Variants in PRKCH observed in about 807,000 individuals in gnomAD.
The protein encoded by PRKCH is protein kinase C eta type.
Under a neutral mutation model 82.5 loss-of-function variants are expected in PRKCH, and 28 were observed. The ratio of observed to expected loss-of-function variants is 0.34; its 90% confidence interval spans 0.25 to 0.47. The LOEUF is 0.47. Among genes scored for constraint, PRKCH ranks in the 20% least tolerant of loss-of-function variants. The pLI, the probability that PRKCH is intolerant of heterozygous loss-of-function variation, is 1.00. For synonymous variants in PRKCH, 322 were observed against 327.4 expected, an observed-to-expected ratio of 0.98 and a Z score of 0.18; for missense variants, 705 against 881.8, an observed-to-expected ratio of 0.80 and a Z score of 2.54.
At chr14:61,519,598 C>A (rs2042876894) in intron 10 of PRKCH, among the ~76,000 whole-genome samples, 1 of 152,160 alleles carries the variant, frequency 6.6e-6, no homozygotes, top group Non-Finnish European at 1.5e-5. Flanking sequence ...ATTTTACATT[C>A]AGCCTCATAA....
At chr14:61,407,333 A>G (rs1882007093) in intron 2 of PRKCH, among the ~76,000 whole-genome samples, 1 of 152,208 alleles carries the variant, frequency 6.6e-6, no homozygotes, top group Non-Finnish European at 1.5e-5. Context: ...CTGCATGTCT[A>G]ATACCACCAT....
intron 1 of PRKCH, chr14:61,348,048 T>C (rs531804407): frequency 1.8e-4 from 27 of 152,364 alleles, no homozygotes; most frequent in African/African-American, 6.5e-4. Context: ...TTCCTTTCCT[T>C]CCTTCTTTCT....
chr14:61,254,294 T>G (rs1291707509), intron 1 of PRKCH, among the ~76,000 whole-genome samples: 1 of 152,104 alleles, frequency 6.6e-6, no homozygotes, highest in Non-Finnish European at 1.5e-5. Flanking sequence ...CTTTCCAATC[T>G]TAAAAGACAG....
At chr14:61,502,619 T>G (rs1406715874) in intron 10 of PRKCH, among the ~76,000 whole-genome samples, 1 of 152,120 alleles carries the variant, frequency 6.6e-6, no homozygotes, top group Non-Finnish European at 1.5e-5. Context: ...GTGCCTTCTG[T>G]TGTACAGAGT....
chr14:61,433,043 C>CAAAAAAAAAAAAAAAAAAAA (rs34477992), intron 2 of PRKCH, among the ~76,000 whole-genome samples: 8 of 110,950 alleles, frequency 7.2e-5, no homozygotes, highest in South Asian at 2.9e-4. Context: ...CCAACCTCTT[C>CAAAAAAAAAAAAAAAAAAAA]AAAAAAAAAA....
At chr14:61,528,536 T>G (rs906803252) in intron 10 of PRKCH, among the ~76,000 whole-genome samples, 1 of 152,134 alleles carries the variant, frequency 6.6e-6, no homozygotes, top group Admixed American at 6.5e-5. Context: ...GGCATAATGG[T>G]GAACCGCATA....
At chr14:61,351,054 A>G (rs1182372237) in intron 1 of PRKCH, among the ~76,000 whole-genome samples, 1 of 152,220 alleles carries the variant, frequency 6.6e-6, no homozygotes, top group East Asian at 1.9e-4. Flanking sequence ...ACATGGGTAC[A>G]TGTATTTTTA....
chr14:61,396,502 A>G (rs560833711), intron 2 of PRKCH, among the ~76,000 whole-genome samples: 3 of 152,266 alleles, frequency 2.0e-5, no homozygotes, highest in Middle Eastern at 3.4e-3. Context: ...ACAGGAGCTC[A>G]TAGGAGGGAA....
intron 1 of PRKCH, among the ~76,000 whole-genome samples, chr14:61,211,961 G>A (rs946640933): frequency 1.3e-5 from 2 of 152,150 alleles, no homozygotes; most frequent in African/African-American, 4.8e-5. Context: ...AGGTGAAGAG[G>A]CCGCCAGCAG....
At position 61,331,527 on chromosome 14, in the gene PRKCH, A is replaced by C. The variant is rs146160612; in HGVS notation, c.363+9063A>C. On this transcript the variant is annotated intron_variant, in intron 1 of 13. Coordinates refer to ENST00000332981, the MANE Select transcript of PRKCH (RefSeq NM_006255.5). ...CAGAGTGAGACTTTGTCTCAAAAAAAGAAACAACAACAACAACAAAAAAAC... is the reference window on the plus strand; with the variant it reads ...CAGAGTGAGACTTTGTCTCAAAAAACGAAACAACAACAACAACAAAAAAAC... Among the ~76,000 whole-genome samples, 604 of 152,274 alleles carry C rather than the reference A, an allele frequency of 4.0e-3. 3 individuals carry two copies. The highest frequency in any genetic ancestry group is 0.013 in the African/African-American group (558 of 41,546).
intron 1 of PRKCH, among the ~76,000 whole-genome samples, chr14:61,354,293 G>T (rs1594939930): frequency 6.6e-6 from 1 of 151,888 alleles, no homozygotes; most frequent in East Asian, 1.9e-4. Flanking sequence ...CTCATTTGTT[G>T]CCTTTTCCCA....
intron 13 of PRKCH, 93 bp from the exon 14 acceptor site, chr14:61,549,592 C>T: frequency 7.1e-7 from 1 of 1,408,214 alleles, no homozygotes. Context: ...CAGAGCACTC[C>T]TCTGAACTCA....
In PRKCH at chr14:61,243,269, G is replaced by A. The variant is rs148206487; in HGVS notation, c.-19+55601G>A. ...AAAAATTCACCAGGTGTGGTTGTGC[G>A]CACCTGTAGTCCCAGCTACTCAGGA... On this transcript the variant is annotated intron_variant, in intron 1 of 3. Transcript: ENST00000555185. Among the ~76,000 whole-genome samples the A allele has an allele frequency of 1.3e-4, 20 of 151,510 alleles. 1 individual carries two copies. The East Asian group carries it at 2.9e-3, about 22-fold the overall frequency.
chr14:61,467,769 G>GGTGCT (rs1202650988), intron 9 of PRKCH, among the ~76,000 whole-genome samples: 1 of 152,194 alleles, frequency 6.6e-6, no homozygotes, highest in Non-Finnish European at 1.5e-5. Context: ...TGAGACCCTA[G>GGTGCT]CATATGTCCT....
rs533117559 is a variant in PRKCH at position 61,291,323 on chromosome 14, CTTTTTTTTTTTT to C, written c.-19+103669_-19+103680del. Among the ~76,000 whole-genome samples, 348 of 96,716 alleles carry C rather than the reference CTTTTTTTTTTTT, an allele frequency of 3.6e-3. 2 individuals carry two copies. The highest frequency in any genetic ancestry group is 5.8e-3 in the Admixed American group (46 of 7,874). The allele number at this position is 96,716 out of a possible 152,430, so 63.4% of individuals were successfully genotyped here. On this transcript the variant is annotated intron_variant, in intron 1 of 3. Coordinates refer to the PRKCH transcript ENST00000555185. Reference sequence around the variant, plus strand: ...AATTGTCTATTAATGCCCTCTGGTTCTTTTTTTTTTTTTTTTTTTTTTTTTGAGACGGAGTCT... The same window carrying C: ...AATTGTCTATTAATGCCCTCTGGTTCTTTTTTTTTTTTTGAGACGGAGTCT...
intron 1 of PRKCH, among the ~76,000 whole-genome samples, chr14:61,311,611 AC>A (rs1266798451): frequency 2.0e-5 from 3 of 151,956 alleles, no homozygotes; most frequent in African/African-American, 7.3e-5. Context: ...GCAGTGCCCC[AC>A]TCTTGGTACC....
At chr14:61,479,638 A>G (rs912328780) in intron 9 of PRKCH, among the ~76,000 whole-genome samples, 9 of 152,126 alleles carry the variant, frequency 5.9e-5, no homozygotes, top group Non-Finnish European at 2.9e-5. Context: ...TTTAACTCCT[A>G]TCGAACAGCC....
chr14:61,390,143 G>T (rs1333850838), intron 1 of PRKCH, among the ~76,000 whole-genome samples: 4 of 152,216 alleles, frequency 2.6e-5, no homozygotes, highest in Non-Finnish European at 4.4e-5. Context: ...GGATAGTGAA[G>T]TTAGCATCCG....
At chr14:61,447,926 AAAAG>A in intron 4 of PRKCH, among the ~76,000 whole-genome samples, 1 of 152,312 alleles carries the variant, frequency 6.6e-6, no homozygotes. Context: ...CGAGCATAAG[AAAAG>A]AAATAATACA....
Sources: gnomAD v4.1 joint callset for allele counts (sites outside exome capture counted in the v4.1 genomes callset) on GRCh38, gnomAD v4.1.1 for gene constraint, MANE v1.5 for transcripts, NCBI Gene and HGNC (gene_info 2026-07-23, HGNC 2026-07-21) for gene names.